The following GRM8 variants were observed in gnomAD, a reference collection of about 807,000 sequenced individuals.
GRM8 encodes metabotropic glutamate receptor 8.
Under a neutral mutation model 87.2 loss-of-function variants are expected in GRM8, and 47 were observed. The observed-to-expected ratio is 0.54, with a 90% CI of 0.43 to 0.69. The LOEUF (loss-of-function observed/expected upper bound fraction) is 0.69. Among genes scored for constraint, GRM8 ranks in the 30% least tolerant of loss-of-function variants. The probability of loss-of-function intolerance (pLI) is 0.00; values close to 1 mark genes in which losing one functional copy is unlikely to be tolerated. For synonymous variants in GRM8, 396 were observed against 404.5 expected (o/e 0.98, Z 0.25); for missense variants, 1,019 against 1,139.2 (o/e 0.89, Z 1.52).
chr7:127,212,627 C>A (rs930268347), intron 2 of GRM8, among the ~76,000 whole-genome samples: 5 of 151,940 alleles, frequency 3.3e-5, no homozygotes, highest in African/African-American at 1.2e-4. Context: ...CCGTTTTAGC[C>A]GGGATGGTCT....
At chr7:126,441,142 C>T (rs1399961384) in intron 10 of GRM8, among the ~76,000 whole-genome samples, 1 of 152,024 alleles carries the variant, frequency 6.6e-6, no homozygotes, top group Middle Eastern at 3.4e-3. Context: ...AGAATGAATA[C>T]CTCTTCCACT....
intron 9 of GRM8, among the ~76,000 whole-genome samples, chr7:126,479,761 CAGACAGACAGAT>C (rs1442873268): frequency 2.0e-5 from 3 of 151,080 alleles, no homozygotes; most frequent in African/African-American, 7.4e-5. Flanking sequence ...GACAGACAGA[CAGACAGACAGAT>C]AGATAGATAG....
chr7:127,210,633 G>C (rs1416671037), intron 2 of GRM8, among the ~76,000 whole-genome samples: 1 of 152,140 alleles, frequency 6.6e-6, no homozygotes, highest in African/African-American at 2.4e-5. Flanking sequence ...AACAGAAAGT[G>C]ACCAGTGACT....
At chr7:126,442,368 C>T (rs1801568425) in intron 10 of GRM8, among the ~76,000 whole-genome samples, 1 of 151,890 alleles carries the variant, frequency 6.6e-6, no homozygotes, top group Admixed American at 6.6e-5. Flanking sequence ...ATAATACTCT[C>T]GTATGCCTCT....
chr7:126,467,402 T>G (rs1804623322), intron 9 of GRM8, among the ~76,000 whole-genome samples: 1 of 152,072 alleles, frequency 6.6e-6, no homozygotes, highest in Non-Finnish European at 1.5e-5. Context: ...AGCAATTTCT[T>G]TTCTTTTAAA....
intron 6 of GRM8, among the ~76,000 whole-genome samples, chr7:126,867,330 A>G (rs540626570): frequency 2.0e-5 from 3 of 152,316 alleles, no homozygotes; most frequent in South Asian, 4.1e-4. Context: ...GCCCCGATGC[A>G]GCCTTGTTCC....
Position 126,439,020 on chromosome 7 carries a change from T to C in GRM8, c.*99A>G, listed in dbSNP as rs936689497. 3.4e-5 allele frequency: 26 copies of C among 776,066 alleles called. No individual in the cohort carries two copies. The African/African-American group carries it at 3.8e-4, about 11-fold the overall frequency. 48.1% of individuals were successfully genotyped at this position (776,066 alleles called of 1,614,324 possible). ...AAGACTGACTATTGATTTGATTGAT[T>C]GTAGTCTACGGAGATCTCCAGGAGT... is the stretch of plus-strand genomic sequence containing the variant. On this transcript the variant is annotated 3_prime_UTR_variant, in exon 11 of 11. Transcript: ENST00000339582.
At chr7:126,729,688 G>C (rs571443778) in intron 7 of GRM8, among the ~76,000 whole-genome samples, 3 of 152,176 alleles carry the variant, frequency 2.0e-5, no homozygotes, top group Non-Finnish European at 4.4e-5. Context: ...TTTTGTATGT[G>C]ATTACCTTGT....
At chr7:126,911,719 C>G (rs1158812824) in intron 3 of GRM8, among the ~76,000 whole-genome samples, 1 of 152,184 alleles carries the variant, frequency 6.6e-6, no homozygotes, top group East Asian at 1.9e-4. Flanking sequence ...GGCCCAGTGA[C>G]AGGCTGCTGA....
chr7:127,106,457 T>C, intron 3 of GRM8, 39 bp downstream of exon 3: 1 of 1,509,114 alleles, frequency 6.6e-7, no homozygotes, highest in Non-Finnish European at 9.2e-7. Flanking sequence ...CAGCAATCTG[T>C]CACCTCCAAA....
intron 9 of GRM8, among the ~76,000 whole-genome samples, chr7:126,460,146 C>T (rs1803729091): frequency 6.6e-6 from 1 of 151,534 alleles, no homozygotes. Context: ...ACATTTAGAA[C>T]TTTCTATAAT....
chr7:126,840,767 C>G (rs1267065135), intron 6 of GRM8, among the ~76,000 whole-genome samples: 1 of 152,018 alleles, frequency 6.6e-6, no homozygotes, highest in Non-Finnish European at 1.5e-5. Flanking sequence ...AAGATAATTT[C>G]CTATCAATTT....
chr7:126,621,306 C>G (rs1189806438), intron 7 of GRM8, among the ~76,000 whole-genome samples: 1 of 152,198 alleles, frequency 6.6e-6, no homozygotes, highest in Non-Finnish European at 1.5e-5. Context: ...GTATTCTCCT[C>G]CAACCACATT....
intron 9 of GRM8, among the ~76,000 whole-genome samples, chr7:126,516,366 C>A (rs1255321011): frequency 6.6e-6 from 1 of 152,012 alleles, no homozygotes; most frequent in Non-Finnish European, 1.5e-5. Flanking sequence ...CTCTGTAGAA[C>A]TGAAAAAGAA....
chr7:127,178,634 T>C (rs974745230), intron 2 of GRM8, among the ~76,000 whole-genome samples: 3 of 152,258 alleles, frequency 2.0e-5, no homozygotes, highest in Non-Finnish European at 2.9e-5. Context: ...GAAAAACCTA[T>C]CAGATTAACA....
chr7:126,525,936 A>T (rs187621821), intron 9 of GRM8, among the ~76,000 whole-genome samples: 6 of 152,280 alleles, frequency 3.9e-5, no homozygotes, highest in Admixed American at 3.9e-4. Context: ...TTTCGAATTT[A>T]TTTTAGATAG....
At chr7:126,677,791 C>T (rs1229342640) in intron 7 of GRM8, among the ~76,000 whole-genome samples, 1 of 152,172 alleles carries the variant, frequency 6.6e-6, no homozygotes, top group Non-Finnish European at 1.5e-5. Context: ...CCAACTTCAC[C>T]ACTATACAGT....
chr7:126,613,721 G>A (rs1799159495), intron 7 of GRM8, among the ~76,000 whole-genome samples: 1 of 152,220 alleles, frequency 6.6e-6, no homozygotes, highest in Non-Finnish European at 1.5e-5. Context: ...CGGCACACCA[G>A]GAGATTATAT....
At chr7:126,708,082 T>A (rs1234920672) in intron 7 of GRM8, among the ~76,000 whole-genome samples, 3 of 151,952 alleles carry the variant, frequency 2.0e-5, no homozygotes, top group African/African-American at 4.8e-5. Context: ...AAGACCTGAA[T>A]AGGCATTTCC....
Sources: gnomAD v4.1 joint callset for allele counts (sites outside exome capture counted in the v4.1 genomes callset) on GRCh38, gnomAD v4.1.1 for gene constraint, MANE v1.5 for transcripts, NCBI Gene and HGNC (gene_info 2026-07-23, HGNC 2026-07-21) for gene names.